KANK1: variants seen among roughly 807,000 people sequenced by gnomAD.
The protein encoded by KANK1 is KN motif and ankyrin repeat domain-containing protein 1.
A neutral mutation model predicts 106.2 loss-of-function variants in KANK1; 109 were observed. That is an observed-to-expected ratio of 1.03 (90% CI 0.88 to 1.20). The LOEUF (loss-of-function observed/expected upper bound fraction) is 1.20, where lower values mean the gene tolerates loss of function less well. Among genes scored for constraint, KANK1 ranks in the 50% most tolerant of loss-of-function variants. The probability of loss-of-function intolerance (pLI) is 0.00; values close to 1 mark genes in which losing one functional copy is unlikely to be tolerated. For missense variants in KANK1, 2,399 were observed against 1,710.7 expected (o/e 1.40, Z -7.10); for synonymous variants, 873 against 652.2 (o/e 1.34, Z -5.16).
Position 603,576 on chromosome 9 carries a change from C to G in KANK1, c.-83-73314C>G, listed in dbSNP as rs375986223. The stretch of plus-strand genomic sequence containing the variant: ...TCCTTAACTCTAAAATCATCTTTTT[C>G]CTTACCTTTCCCTAGTTCTAGAACA... On this transcript the variant is annotated intron_variant, in intron 1 of 11. Transcript: ENST00000382297. Among the ~76,000 whole-genome samples, 7 of 151,870 alleles carry G rather than the reference C, an allele frequency of 4.6e-5. No homozygotes were observed. In the South Asian group the frequency reaches 1.0e-3, roughly 23 times the overall value.
At chr9:503,765 T>C (rs551778240), upstream of KANK1, among the ~76,000 whole-genome samples, 1 of 152,314 alleles carries the variant, frequency 6.6e-6, no homozygotes, top group South Asian at 2.1e-4. Flanking sequence ...ACCTTCAATT[T>C]GAAAAAGACT....
At chr9:733,106 A>G (rs1832769437) in intron 6 of KANK1, 1 of 153,048 alleles carries the variant, frequency 6.5e-6, no homozygotes, top group South Asian at 2.0e-4. Flanking sequence ...TTACACATTG[A>G]ATGATCAGGA....
chr9:715,473 C>G (rs971577436), intron 3 of KANK1, among the ~76,000 whole-genome samples: 38 of 152,212 alleles, frequency 2.5e-4, no homozygotes, highest in African/African-American at 9.2e-4. Flanking sequence ...AAATATTCAG[C>G]TGTAACCCTG....
intron 1 of KANK1, among the ~76,000 whole-genome samples, chr9:661,574 G>A (rs76182794): frequency 0.84 from 127,346 of 151,856 alleles, 53,545 homozygotes; most frequent in East Asian, 0.97. Flanking sequence ...GAATAGTGCC[G>A]CAATAAACAT....
intron 3 of KANK1, among the ~76,000 whole-genome samples, chr9:494,379 T>A (rs950561104): frequency 6.6e-6 from 1 of 152,216 alleles, no homozygotes; most frequent in Admixed American, 6.5e-5. Flanking sequence ...TGTATACCAA[T>A]AGAGTACAAG....
intron 1 of KANK1, among the ~76,000 whole-genome samples, chr9:530,013 TGC>T: frequency 6.6e-6 from 1 of 152,250 alleles, no homozygotes; most frequent in Non-Finnish European, 1.5e-5. Flanking sequence ...GTTTTTAATT[TGC>T]ATTTCTCTTA....
Position 608,031 on chromosome 9 carries a change from A to ATTT in KANK1, c.-83-68857_-83-68856insTTT, listed in dbSNP as rs1175822024. On this transcript the variant is annotated intron_variant, in intron 1 of 11. Transcript: ENST00000382297. ...TTTCAGAATTATTATTATTATTATT[A>ATTT]TTATTTTTTTTTTTTTTGAGACGGA... is the stretch of plus-strand genomic sequence containing the variant. Among the ~76,000 whole-genome samples, 310 of 88,036 alleles carry ATTT rather than the reference A, an allele frequency of 3.5e-3. 4 individuals are homozygous for ATTT. Among genetic ancestry groups the ATTT allele is most frequent in the African/African-American group, 5.9e-3 (141 of 23,860 alleles). 57.8% of individuals were successfully genotyped at this position (88,036 alleles called of 152,430 possible).
At chr9:717,511 A>G (rs1367848528) in intron 3 of KANK1, among the ~76,000 whole-genome samples, 2 of 152,166 alleles carry the variant, frequency 1.3e-5, no homozygotes, top group Non-Finnish European at 2.9e-5. Context: ...ACATTTTTCT[A>G]GGATTTGAGA....
Position 654,839 on chromosome 9 carries a change from GAGAGAGAGAT to G in KANK1, c.-83-22049_-83-22040del, listed in dbSNP as rs1841761889. Among the ~76,000 whole-genome samples, 4 of 150,928 alleles carry G rather than the reference GAGAGAGAGAT, an allele frequency of 2.7e-5. No homozygotes were observed. In the South Asian group the frequency reaches 8.4e-4, roughly 32 times the overall value. ...TGAGAGAGAGAGAGAGAGAGAGAGAGAGAGAGAGATAAAGGGAGGAAGGAAAAAGAAATGT... is the reference window on the plus strand; with the variant it reads ...TGAGAGAGAGAGAGAGAGAGAGAGAGAAAGGGAGGAAGGAAAAAGAAATGT... On this transcript the variant is annotated intron_variant, in intron 1 of 11. Transcript: ENST00000382297.
chr9:536,841 A>G (rs2060326438), intron 1 of KANK1, among the ~76,000 whole-genome samples: 1 of 152,306 alleles, frequency 6.6e-6, no homozygotes, highest in African/African-American at 2.4e-5. Flanking sequence ...AGGTGTAGAC[A>G]CAATACAGTT....
At chr9:723,445 G>A (rs1322317439) in intron 3 of KANK1, among the ~76,000 whole-genome samples, 1 of 151,992 alleles carries the variant, frequency 6.6e-6, no homozygotes, top group African/African-American at 2.4e-5. Context: ...AATTCCATCC[G>A]ACTTACACTT....
At chr9:472,899 C>T (rs2058045459) in intron 2 of KANK1, among the ~76,000 whole-genome samples, 1 of 152,182 alleles carries the variant, frequency 6.6e-6, no homozygotes, top group African/African-American at 2.4e-5. Flanking sequence ...AGCATGAGAG[C>T]ATGAACTACC....
rs1459329359 is a variant in KANK1 at position 745,901 on chromosome 9, T to C, written c.*666T>C. ...ACTACACGTAACATCATCATTTGTATTAATTGCACAACTCCAATGCTAAAG... is the reference window on the plus strand; with the variant it reads ...ACTACACGTAACATCATCATTTGTACTAATTGCACAACTCCAATGCTAAAG... On this transcript the variant is annotated 3_prime_UTR_variant, in exon 12 of 12. Transcript: ENST00000382297. The C allele has an allele frequency of 3.9e-5, 6 of 152,656 alleles. No homozygotes were observed. The highest frequency in any genetic ancestry group is 3.9e-4 in the Admixed American group (6 of 15,284). 9.5% of individuals were successfully genotyped at this position (152,656 alleles called of 1,614,324 possible).
chr9:512,028 T>C (rs1158488037), intron 1 of KANK1, among the ~76,000 whole-genome samples: 1 of 151,498 alleles, frequency 6.6e-6, no homozygotes, highest in Non-Finnish European at 1.5e-5. Context: ...CCCATGACTA[T>C]TGCCTTAGTG....
intron 2 of KANK1, among the ~76,000 whole-genome samples, chr9:686,589 AT>A (rs1243043474): frequency 2.6e-5 from 4 of 152,176 alleles, no homozygotes; most frequent in African/African-American, 9.7e-5. Flanking sequence ...GGAAAAAAAA[AT>A]TAATTGCAAA....
intron 2 of KANK1, among the ~76,000 whole-genome samples, chr9:709,407 C>T (rs774489681): frequency 1.1e-4 from 16 of 152,148 alleles, no homozygotes; most frequent in Non-Finnish European, 2.2e-4. Context: ...AAAGGCAGCC[C>T]AGTCTGCAAA....
chr9:620,236 G>A (rs1010672599), intron 1 of KANK1, among the ~76,000 whole-genome samples: 54 of 151,922 alleles, frequency 3.6e-4, no homozygotes, highest in African/African-American at 1.1e-3. Context: ...AATGTGCATC[G>A]TACCCTCTAT....
chr9:629,026 C>G (rs912379773), intron 1 of KANK1, among the ~76,000 whole-genome samples: 20 of 149,006 alleles, frequency 1.3e-4, no homozygotes, highest in Admixed American at 1.4e-4. Context: ...TTGCAGTGAG[C>G]CAAGATCATG....
At chr9:520,884 T>C (rs1371776691) in intron 1 of KANK1, among the ~76,000 whole-genome samples, 1 of 151,742 alleles carries the variant, frequency 6.6e-6, no homozygotes, top group Admixed American at 6.6e-5. Flanking sequence ...TATCTTGATT[T>C]TGCATGCATT....
Sources: allele counts gnomAD v4.1 joint callset (sites outside exome capture counted in the v4.1 genomes callset), GRCh38; gene constraint gnomAD v4.1.1; transcripts MANE v1.5; gene names NCBI Gene and HGNC (gene_info 2026-07-23, HGNC 2026-07-21).